The following SLC2A14 variants were observed in gnomAD, a reference collection of about 807,000 sequenced individuals.
The protein encoded by SLC2A14 is solute carrier family 2, facilitated glucose transporter member 14.
A neutral mutation model predicts 43.0 loss-of-function variants in SLC2A14; 13 were observed. That is an observed-to-expected ratio of 0.30 (90% CI 0.20 to 0.48). The LOEUF (loss-of-function observed/expected upper bound fraction) is 0.48, where lower values mean the gene tolerates loss of function less well. Ranked by LOEUF, SLC2A14 falls within the 20% of genes least tolerant of loss-of-function variation. The pLI is 0.99. For missense variants in SLC2A14, 428 were observed against 620.4 expected, an observed-to-expected ratio of 0.69 and a Z score of 3.29; for synonymous variants, 190 against 233.8, an observed-to-expected ratio of 0.81 and a Z score of 1.71.
intron 1 of SLC2A14, among the ~76,000 whole-genome samples, chr12:7,886,151 C>T (rs1592337106): frequency 1.3e-4 from 6 of 44,696 alleles, no homozygotes; most frequent in Admixed American, 4.0e-4. Flanking sequence ...GCCCGGACAG[C>T]TTTTTTTTTT....
At chr12:7,855,664 G>A (rs1455482757) in intron 2 of SLC2A14, among the ~76,000 whole-genome samples, 1 of 151,808 alleles carries the variant, frequency 6.6e-6, no homozygotes, top group African/African-American at 2.4e-5. Flanking sequence ...TTGAGACAGG[G>A]TCTCACTCTG....
intron 1 of SLC2A14, among the ~76,000 whole-genome samples, chr12:7,880,068 C>T (rs557047541): frequency 2.9e-4 from 43 of 150,426 alleles, no homozygotes; most frequent in Non-Finnish European, 4.7e-4. Context: ...TTTGGGAGGC[C>T]GAGGCGGGTG....
intron 1 of SLC2A14, among the ~76,000 whole-genome samples, chr12:7,879,108 T>C (rs1477858148): frequency 6.6e-6 from 1 of 151,544 alleles, no homozygotes; most frequent in Non-Finnish European, 1.5e-5. Flanking sequence ...ATCTTATAAC[T>C]GTCCTTGAAG....
At chr12:7,856,974 A>G (rs1944283732) in intron 2 of SLC2A14, among the ~76,000 whole-genome samples, 1 of 152,100 alleles carries the variant, frequency 6.6e-6, no homozygotes, top group Non-Finnish European at 1.5e-5. Context: ...TGGTTGGGCC[A>G]GGCACGGTGG....
chr12:7,843,820 G>C (rs1317872952), intron 2 of SLC2A14, among the ~76,000 whole-genome samples: 2 of 151,604 alleles, frequency 1.3e-5, no homozygotes, highest in Admixed American at 1.3e-4. Context: ...CCACTCATCA[G>C]ATGCTCATCA....
chr12:7,880,780 G>A (rs1945555957), intron 1 of SLC2A14, among the ~76,000 whole-genome samples: 1 of 151,526 alleles, frequency 6.6e-6, no homozygotes, highest in South Asian at 2.1e-4. Context: ...GCTGAGGCGG[G>A]TGGATCACAA....
upstream of SLC2A14, among the ~76,000 whole-genome samples, chr12:7,875,507 CA>C (rs1218495122): frequency 0.021 from 2,928 of 138,488 alleles, 84 homozygotes; most frequent in African/African-American, 0.072. Flanking sequence ...GACTCCCTTT[CA>C]AAAAAAAAAA....
At chr12:7,882,142 G>A (rs953446894) in intron 1 of SLC2A14, among the ~76,000 whole-genome samples, 1 of 151,984 alleles carries the variant, frequency 6.6e-6, no homozygotes, top group South Asian at 2.1e-4. Flanking sequence ...CAGTTTTTGG[G>A]TCTGCACTGC....
At chr12:7,869,751 G>A (rs1055231104) in intron 2 of SLC2A14, 112 bp downstream of exon 2, 13 of 681,472 alleles carry the variant, frequency 1.9e-5, no homozygotes, top group East Asian at 1.1e-4. Flanking sequence ...CACCACTTAC[G>A]TATATTACAC....
At position 7,840,066 on chromosome 12, in the gene SLC2A14, T is replaced by TG. The variant is rs558369872; in HGVS notation, c.19-7253dup. 6.0e-4 allele frequency: 161 copies of TG among 268,062 alleles called. 1 individual carries two copies. The highest frequency in any genetic ancestry group is 1.5e-3 in the Middle Eastern group (1 of 662). 16.6% of individuals were successfully genotyped at this position (268,062 alleles called of 1,614,324 possible). A position where few individuals can be genotyped will look rare whatever the true frequency, so the allele number is the denominator to read the frequency against. On this transcript the variant is annotated intron_variant, in intron 2 of 10. Coordinates refer to ENST00000431042, the MANE Select transcript of SLC2A14 (RefSeq NM_001286234.2). ...GGTCAAGCCTGCAGTGAGCTATGATTGCACCACTGAACTCCAGCCTGGGAG... is the reference window on the plus strand; with the variant it reads ...GGTCAAGCCTGCAGTGAGCTATGATTGGCACCACTGAACTCCAGCCTGGGAG...
At chr12:7,865,398 G>A (rs772838080) in intron 2 of SLC2A14, among the ~76,000 whole-genome samples, 14 of 151,972 alleles carry the variant, frequency 9.2e-5, no homozygotes, top group Non-Finnish European at 1.6e-4. Flanking sequence ...TTCGCCGGGC[G>A]TGGTGGCACA....
At chr12:7,871,251 C>T in intron 1 of SLC2A14, 1 of 1,208,624 alleles carries the variant, frequency 8.3e-7, no homozygotes, top group Non-Finnish European at 1.1e-6. Flanking sequence ...CCATGGGTGA[C>T]AGCTTCACAG....
intron 3 of SLC2A14, among the ~76,000 whole-genome samples, chr12:7,832,187 A>G (rs1865098529): frequency 6.6e-6 from 1 of 152,208 alleles, no homozygotes; most frequent in Admixed American, 6.5e-5. Context: ...ACGGGAATTG[A>G]AGAGGCAGAT....
chr12:7,843,323 A>C (rs1866155507), intron 2 of SLC2A14, among the ~76,000 whole-genome samples: 1 of 148,876 alleles, frequency 6.7e-6, no homozygotes, highest in African/African-American at 2.5e-5. Context: ...GCACGCTGTA[A>C]TGAGTGGGAA....
At chr12:7,875,184 T>TATA (rs1945439745), upstream of SLC2A14, among the ~76,000 whole-genome samples, 3 of 136,254 alleles carry the variant, frequency 2.2e-5, no homozygotes, top group Admixed American at 1.6e-4. Context: ...ATATATAATA[T>TATA]ATAAATATAT....
intron 2 of SLC2A14, among the ~76,000 whole-genome samples, chr12:7,855,095 A>C (rs1592260431): frequency 6.6e-6 from 1 of 152,232 alleles, no homozygotes. Flanking sequence ...GGCATGAGCC[A>C]CCGCATCCAG....
At chr12:7,885,915 T>C (rs1369463306) in intron 1 of SLC2A14, among the ~76,000 whole-genome samples, 2 of 152,100 alleles carry the variant, frequency 1.3e-5, no homozygotes, top group Non-Finnish European at 2.9e-5. Flanking sequence ...TTAATTAAAC[T>C]GGTTCATAGA....
chr12:7,821,719 T>C (rs1863923853), intron 7 of SLC2A14, among the ~76,000 whole-genome samples: 2 of 152,174 alleles, frequency 1.3e-5, no homozygotes, highest in Non-Finnish European at 1.5e-5. Flanking sequence ...TTATCTCCTT[T>C]CTCTTTTTCT....
At chr12:7,824,992 G>A (rs1311702956) in intron 7 of SLC2A14, among the ~76,000 whole-genome samples, 3 of 151,896 alleles carry the variant, frequency 2.0e-5, no homozygotes, top group Non-Finnish European at 1.5e-5. Flanking sequence ...ACTGTCCCCG[G>A]CCCAGATTTA....
Sources: allele counts gnomAD v4.1 joint callset (sites outside exome capture counted in the v4.1 genomes callset), GRCh38; gene constraint gnomAD v4.1.1; transcripts MANE v1.5; gene names NCBI Gene and HGNC (gene_info 2026-07-23, HGNC 2026-07-21).